Variants in OSBPL6 observed in about 807,000 individuals in gnomAD.
OSBPL6 encodes the protein oxysterol-binding protein-related protein 6.
A neutral mutation model predicts 125.8 loss-of-function variants in OSBPL6; 49 were observed. That is an observed-to-expected ratio of 0.39 (90% CI 0.31 to 0.49). The LOEUF (loss-of-function observed/expected upper bound fraction) is 0.49. Ranked by LOEUF, OSBPL6 falls within the 20% of genes least tolerant of loss-of-function variation. OSBPL6 has a pLI of 0.88. For missense variants in OSBPL6, 986 were observed against 1,135.4 expected, an observed-to-expected ratio of 0.87 and a Z score of 1.89; for synonymous variants, 394 against 391.8, an observed-to-expected ratio of 1.01 and a Z score of -0.07.
intron 2 of OSBPL6, among the ~76,000 whole-genome samples, chr2:178,290,033 G>C (rs1423096455): frequency 6.6e-6 from 1 of 152,100 alleles, no homozygotes; most frequent in Non-Finnish European, 1.5e-5. Context: ...TGATCCCCCT[G>C]TTCTAAAGTT....
At chr2:178,266,527 G>T (rs999663253) in intron 1 of OSBPL6, among the ~76,000 whole-genome samples, 7 of 152,156 alleles carry the variant, frequency 4.6e-5, no homozygotes, top group Admixed American at 4.6e-4. Flanking sequence ...TGATCAGCTT[G>T]CTCCGTCTGT....
At chr2:178,314,653 A>G (rs563397867) in intron 3 of OSBPL6, among the ~76,000 whole-genome samples, 1 of 152,348 alleles carries the variant, frequency 6.6e-6, no homozygotes, top group South Asian at 2.1e-4. Context: ...ATATTAGGCA[A>G]AGTTTATGAA....
chr2:178,353,664 A>G (rs561210505), intron 12 of OSBPL6, among the ~76,000 whole-genome samples: 1 of 152,330 alleles, frequency 6.6e-6, no homozygotes, highest in Admixed American at 6.5e-5. Context: ...CAAGTTGGAA[A>G]ACACTCTTCA....
At chr2:178,350,866 G>C (rs990239390) in intron 12 of OSBPL6, among the ~76,000 whole-genome samples, 1 of 152,148 alleles carries the variant, frequency 6.6e-6, no homozygotes, top group African/African-American at 2.4e-5. Flanking sequence ...TTGGAAGGCA[G>C]CCCCAGGAAA....
intron 1 of OSBPL6, among the ~76,000 whole-genome samples, chr2:178,220,688 G>A (rs557285335): frequency 2.0e-5 from 3 of 152,232 alleles, no homozygotes; most frequent in South Asian, 4.1e-4. Context: ...ATTCAATTTC[G>A]TAGGGAAAAA....
intron 2 of OSBPL6, among the ~76,000 whole-genome samples, chr2:178,292,328 A>G (rs1685361449): frequency 6.6e-6 from 1 of 152,178 alleles, no homozygotes; most frequent in South Asian, 2.1e-4. Flanking sequence ...TACTTTATTC[A>G]CTTTGCATAT....
At chr2:178,333,065 C>G (rs949283595) in intron 8 of OSBPL6, 24 bp downstream of exon 8, 29 of 1,610,188 alleles carry the variant, frequency 1.8e-5, no homozygotes, top group Non-Finnish European at 2.5e-5. Context: ...CTATAAAAAC[C>G]AGCCTGAAAA....
At chr2:178,217,576 A>G (rs2090143257) in intron 1 of OSBPL6, among the ~76,000 whole-genome samples, 1 of 152,194 alleles carries the variant, frequency 6.6e-6, no homozygotes, top group Non-Finnish European at 1.5e-5. Context: ...AGTGGAAAGG[A>G]CCAGCAGGTG....
chr2:178,209,490 A>G (rs1320100539), intron 1 of OSBPL6, among the ~76,000 whole-genome samples: 4 of 129,272 alleles, frequency 3.1e-5, no homozygotes, highest in African/African-American at 1.2e-4. Context: ...TGGATGATGC[A>G]GTATCTTCTG....
At chr2:178,352,724 G>T (rs1242653417) in intron 12 of OSBPL6, among the ~76,000 whole-genome samples, 3 of 152,234 alleles carry the variant, frequency 2.0e-5, no homozygotes, top group African/African-American at 7.2e-5. Context: ...TGATAGCTCT[G>T]AAGAGAGCAG....
At chr2:178,269,616 GAATGAA>G (rs1332149341) in intron 1 of OSBPL6, among the ~76,000 whole-genome samples, 3 of 152,140 alleles carry the variant, frequency 2.0e-5, no homozygotes, top group African/African-American at 7.2e-5. Flanking sequence ...GGGAGGGAGG[GAATGAA>G]TTTTTCCCAG....
intron 2 of OSBPL6, among the ~76,000 whole-genome samples, chr2:178,304,099 A>G (rs1328439881): frequency 6.6e-6 from 1 of 152,186 alleles, no homozygotes; most frequent in Non-Finnish European, 1.5e-5. Flanking sequence ...AGGCACCAGC[A>G]GGTTAGGGCC....
intron 1 of OSBPL6, among the ~76,000 whole-genome samples, chr2:178,282,619 G>A (rs1297839829): frequency 1.3e-5 from 2 of 152,100 alleles, no homozygotes; most frequent in Non-Finnish European, 2.9e-5. Context: ...TCATAGGAAG[G>A]AGGAAGGAAG....
intron 1 of OSBPL6, among the ~76,000 whole-genome samples, chr2:178,246,783 T>G (rs1213714315): frequency 6.6e-6 from 1 of 152,178 alleles, no homozygotes; most frequent in African/African-American, 2.4e-5. Flanking sequence ...CTCCAGAAAG[T>G]CTTCCATTCT....
intron 22 of OSBPL6, among the ~76,000 whole-genome samples, chr2:178,391,893 G>A (rs145095791): frequency 7.2e-5 from 11 of 152,284 alleles, no homozygotes; most frequent in African/African-American, 2.2e-4. Context: ...TATTCATTCC[G>A]CAACTATTTA....
At chr2:178,368,693 TAA>T (rs895862680) in intron 13 of OSBPL6, among the ~76,000 whole-genome samples, 1 of 146,978 alleles carries the variant, frequency 6.8e-6, no homozygotes, top group African/African-American at 2.5e-5. Context: ...TTGCCATCAT[TAA>T]AAAAAAAATA....
At chr2:178,316,153 T>C (rs1687719630) in intron 3 of OSBPL6, among the ~76,000 whole-genome samples, 1 of 152,196 alleles carries the variant, frequency 6.6e-6, no homozygotes, top group Non-Finnish European at 1.5e-5. Context: ...AAAATTTTAA[T>C]AGCCAGCACT....
chr2:178,239,376 A>G (rs1437556114), intron 1 of OSBPL6, among the ~76,000 whole-genome samples: 1 of 152,080 alleles, frequency 6.6e-6, no homozygotes, highest in African/African-American at 2.4e-5. Flanking sequence ...CCTGGGCAAT[A>G]TAGTCAGACC....
chr2:178,371,885 A>C (rs1693423915), intron 13 of OSBPL6, among the ~76,000 whole-genome samples: 1 of 152,196 alleles, frequency 6.6e-6, no homozygotes, highest in African/African-American at 2.4e-5. Context: ...ACTTTTATGA[A>C]ATCTATTAAC....
Sources: gnomAD v4.1 joint callset for allele counts (sites outside exome capture counted in the v4.1 genomes callset) on GRCh38, gnomAD v4.1.1 for gene constraint, MANE v1.5 for transcripts, NCBI Gene and HGNC (gene_info 2026-07-23, HGNC 2026-07-21) for gene names.